The following A2M variants were observed in gnomAD, a reference collection of about 807,000 sequenced individuals.
A2M encodes C3 and PZP-like alpha-2-macroglobulin domain-containing protein 5.
Under a neutral mutation model 183.9 loss-of-function variants are expected in A2M, and 128 were observed. That is an observed-to-expected ratio of 0.70 (90% CI 0.60 to 0.81). The LOEUF is 0.81. Among genes scored for constraint, A2M ranks in the 30% least tolerant of loss-of-function variants. The probability of loss-of-function intolerance (pLI) is 0.00; values close to 1 mark genes in which losing one functional copy is unlikely to be tolerated. For missense variants in A2M, 1,495 were observed against 1,787.6 expected (o/e 0.84, Z 2.95); for synonymous variants, 592 against 670.8 (o/e 0.88, Z 1.81).
intron 17 of A2M, among the ~76,000 whole-genome samples, chr12:9,094,340 C>CATAT (rs59647548): frequency 0.06 from 5,829 of 96,782 alleles, 233 homozygotes; most frequent in East Asian, 0.14. Flanking sequence ...AAAAATTGTG[C>CATAT]ATATATATAT....
Position 9,069,744 on chromosome 12 carries a change from C to G in A2M, c.4263+1G>C. On this transcript the variant is annotated splice_donor_variant, in intron 33 of 35. Coordinates refer to ENST00000318602, the MANE Select transcript of A2M (RefSeq NM_000014.6). LOFTEE classifies it high-confidence loss of function. ...TGCAAATAGACTGGAAGTTCTCTTA[C>G]CTTATCAAGGTAAATCAAGACATGG... 1 of 1,611,184 alleles carries G rather than the reference C, an allele frequency of 6.2e-7. No homozygotes were observed.
At chr12:9,068,381 T>C (rs1409820030) in intron 34 of A2M, among the ~76,000 whole-genome samples, 157 bp from the exon 35 acceptor site, 1 of 152,246 alleles carries the variant, frequency 6.6e-6, no homozygotes, top group Non-Finnish European at 1.5e-5. Context: ...TGTTGCTTGC[T>C]ACCTTATATT....
rs1474156623 is a variant in A2M, at chr12:9,091,441, TG to T, written c.2241-13del. The T allele has an allele frequency of 1.9e-6, 3 of 1,613,370 alleles. No homozygotes were observed. Among genetic ancestry groups the T allele is most frequent in the Admixed American group, 3.3e-5 (2 of 59,984 alleles). ...CCACACCTGCTGAGCTGGAGAGGAGTGTAAGTGAAGAACAGAAAGTAAGCAG... is the reference window on the plus strand; with the variant it reads ...CCACACCTGCTGAGCTGGAGAGGAGTTAAGTGAAGAACAGAAAGTAAGCAG... On this transcript the variant is annotated splice_polypyrimidine_tract_variant and intron_variant, in intron 18 of 35. Transcript: ENST00000318602.
At chr12:9,104,618 T>A (rs905793342) in intron 10 of A2M, among the ~76,000 whole-genome samples, 1 of 151,998 alleles carries the variant, frequency 6.6e-6, no homozygotes, top group Non-Finnish European at 1.5e-5. Flanking sequence ...ATACACTAAT[T>A]TAGTAGTAAT....
intron 29 of A2M, 47 bp downstream of exon 29, chr12:9,074,513 C>A (rs1228961907): frequency 6.6e-7 from 1 of 1,514,028 alleles, no homozygotes; most frequent in East Asian, 2.4e-5. Flanking sequence ...TCATTCAAAT[C>A]TTTTGCTACC....
At position 9,109,744 on chromosome 12, in the gene A2M, A is replaced by G. The variant is rs1938581512; in HGVS notation, c.673+123T>C. 4.2e-6 allele frequency: 4 copies of G among 955,834 alleles called. No individual in the cohort carries two copies. The East Asian group carries it at 9.7e-5, about 23-fold the overall frequency. The allele number at this position is 955,834 out of a possible 1,614,324, so 59.2% of individuals were successfully genotyped here. A position where few individuals can be genotyped will look rare whatever the true frequency, so the allele number is the denominator to read the frequency against. ...TCCTCATTGGACTTAGGTGTAATTA[A>G]TTCTACTCCAAGCCCAATGTCACCC... On this transcript the variant is annotated intron_variant, in intron 6 of 35. Coordinates refer to ENST00000318602, the MANE Select transcript of A2M (RefSeq NM_000014.6).
At chr12:9,074,073 G>C (rs1343284134) in intron 29 of A2M, among the ~76,000 whole-genome samples, 1 of 130,322 alleles carries the variant, frequency 7.7e-6, no homozygotes, top group Admixed American at 8.1e-5. Flanking sequence ...AGGTGACAGA[G>C]CAAGACTCTG....
At chr12:9,092,410 GC>G (rs1949240456) in intron 18 of A2M, among the ~76,000 whole-genome samples, 1 of 147,694 alleles carries the variant, frequency 6.8e-6, no homozygotes. Flanking sequence ...GTGGCTACCC[GC>G]CCCCACCACC....
At chr12:9,094,325 GAAA>G (rs1036119909) in intron 17 of A2M, among the ~76,000 whole-genome samples, 1 of 94,372 alleles carries the variant, frequency 1.1e-5, no homozygotes, top group African/African-American at 4.0e-5. Flanking sequence ...CAGCTCTCTG[GAAA>G]AAAAAATTGT....
rs771233918 is a variant in A2M, at chr12:9,112,218, CAG to C, written c.431-9_431-8del. The C allele has an allele frequency of 5.0e-6, 8 of 1,613,762 alleles. No individual in the cohort carries two copies. The highest frequency in any genetic ancestry group is 3.3e-4 in the Middle Eastern group (2 of 6,060). On this transcript the variant is annotated splice_polypyrimidine_tract_variant and splice_region_variant and intron_variant, in intron 3 of 35. Coordinates refer to ENST00000318602, the MANE Select transcript of A2M (RefSeq NM_000014.6). ...GAGACAACACGAAATTTCACTGAAA[CAG>C]AAATATTTTTCATGAGCCCCCAAAC...
chr12:9,072,596 C>G, intron 30 of A2M, 57 bp downstream of exon 30: 1 of 1,602,000 alleles, frequency 6.2e-7, no homozygotes, highest in Non-Finnish European at 8.5e-7. Flanking sequence ...TAGGACTTCT[C>G]AGAGAGAACA....
At chr12:9,081,833 A>G (rs1948915797) in intron 22 of A2M, among the ~76,000 whole-genome samples, 1 of 152,226 alleles carries the variant, frequency 6.6e-6, no homozygotes, top group Admixed American at 6.5e-5. Flanking sequence ...AGAAACAAAG[A>G]AGGACAGAGC....
Position 9,101,182 on chromosome 12 carries a change from C to G in A2M, c.1520G>C (p.Arg507Pro), listed in dbSNP as rs867064347. Residue 507 changes from arginine to proline, a missense_variant, in exon 13 of 36, where the codon CGA (arginine) becomes CCA (proline). Arg to Pro is a moderately radical substitution (Grantham distance 103). Transcript: ENST00000318602. ...YLIMAKGGIV[R>P]TGTHGLLVKQ... Reference sequence around the variant, plus strand: ...CACAAGCAGTCCATGAGTCCCAGTTCGGACAATGCCTCCCTTTGCCATTAT... The same window carrying G: ...CACAAGCAGTCCATGAGTCCCAGTTGGGACAATGCCTCCCTTTGCCATTAT... 6.4e-7 allele frequency: 1 copy of G among 1,561,146 alleles called. No individual in the cohort carries two copies. Among genetic ancestry groups the G allele is most frequent in the Non-Finnish European group, 8.7e-7 (1 of 1,151,872 alleles).
At chr12:9,070,804 G>T (rs1237944076) in intron 31 of A2M, among the ~76,000 whole-genome samples, 3 of 150,484 alleles carry the variant, frequency 2.0e-5, no homozygotes, top group African/African-American at 7.4e-5. Context: ...AATGTCTAGT[G>T]TATGGGGGCT....
chr12:9,088,910 T>C (rs1949125712), intron 22 of A2M, among the ~76,000 whole-genome samples: 1 of 152,210 alleles, frequency 6.6e-6, no homozygotes, highest in African/African-American at 2.4e-5. Context: ...TTTGGTAATA[T>C]TAATTTTGAT....
At chr12:9,104,731 G>C (rs1938152290) in intron 10 of A2M, among the ~76,000 whole-genome samples, 1 of 152,170 alleles carries the variant, frequency 6.6e-6, no homozygotes, top group Admixed American at 6.6e-5. Flanking sequence ...TGGAAGTGCT[G>C]TGTATTATTA....
intron 7 of A2M, among the ~76,000 whole-genome samples, 163 bp downstream of exon 7, chr12:9,109,158 A>G (rs1385916502): frequency 1.3e-5 from 2 of 152,234 alleles, no homozygotes; most frequent in Non-Finnish European, 1.5e-5. Flanking sequence ...GAAAATAAAA[A>G]TAGAAAAGCA....
At chr12:9,106,197 CAG>C in intron 10 of A2M, 37 bp downstream of exon 10, 1 of 1,200,410 alleles carries the variant, frequency 8.3e-7, no homozygotes, top group South Asian at 1.3e-5. Flanking sequence ...AATTAGGTAA[CAG>C]TACATGGGTT....
chr12:9,090,263 T>A (rs1283634054), intron 20 of A2M, 93 bp downstream of exon 20: 1 of 1,577,204 alleles, frequency 6.3e-7, no homozygotes, highest in Non-Finnish European at 8.7e-7. Flanking sequence ...CATCTAGTGG[T>A]CTTTTCCTGA....
Sources: gnomAD v4.1 joint callset for allele counts (sites outside exome capture counted in the v4.1 genomes callset) on GRCh38, gnomAD v4.1.1 for gene constraint, MANE v1.5 for transcripts, NCBI Gene and HGNC (gene_info 2026-07-23, HGNC 2026-07-21) for gene names.